IQCK: variants seen among roughly 807,000 people sequenced by gnomAD.
IQCK encodes the protein IQ domain-containing protein K.
Under a neutral mutation model 28.1 loss-of-function variants are expected in IQCK, and 29 were observed. The ratio of observed to expected loss-of-function variants is 1.03; its 90% confidence interval spans 0.77 to 1.41. The LOEUF is 1.41. Among genes scored for constraint, IQCK ranks in the 40% most tolerant of loss-of-function variants. IQCK has a pLI of 0.00. For synonymous variants in IQCK, 113 were observed against 115.1 expected, an observed-to-expected ratio of 0.98 and a Z score of 0.12; for missense variants, 359 against 314.7, an observed-to-expected ratio of 1.14 and a Z score of -1.07.
chr16:19,766,362 G>A (rs1424689039), intron 6 of IQCK, among the ~76,000 whole-genome samples: 1 of 152,232 alleles, frequency 6.6e-6, no homozygotes, highest in African/African-American at 2.4e-5. Context: ...AAGTGGGGAA[G>A]CATGAGACCA....
chr16:19,736,106 C>T (rs1358262078), intron 4 of IQCK: 2 of 455,742 alleles, frequency 4.4e-6, no homozygotes, highest in Non-Finnish European at 8.8e-6. Context: ...TCTTACTTGG[C>T]TCTAGATTGA....
At chr16:19,858,185 C>G (rs2056587332) in exon 10 of IQCK, 1 of 277,070 alleles carries the variant, frequency 3.6e-6, no homozygotes, top group Non-Finnish European at 6.7e-6. Context: ...CAGGTGTAGT[C>G]ATTAGAAAAA....
chr16:19,769,691 C>A (rs549414212), intron 6 of IQCK, among the ~76,000 whole-genome samples: 3 of 152,264 alleles, frequency 2.0e-5, no homozygotes, highest in African/African-American at 7.2e-5. Flanking sequence ...AGCAAGAGAT[C>A]ATTCAAAGGC....
intron 7 of IQCK, among the ~76,000 whole-genome samples, chr16:19,815,650 A>G (rs561118672): frequency 1.6e-4 from 24 of 152,206 alleles, no homozygotes; most frequent in Non-Finnish European, 3.4e-4. Context: ...CAGCCTGGGC[A>G]ACAGAGCAAG....
exon 3 of IQCK, chr16:19,733,797 G>A (rs1398035236): frequency 6.2e-7 from 1 of 1,614,124 alleles, no homozygotes; most frequent in Non-Finnish European, 8.5e-7. Flanking sequence ...CTGTCCTCAA[G>A]ATAAATCGGA....
rs115237652 is a variant in IQCK, at chr16:19,736,132, T to C, written c.474+682T>C. On this transcript the variant is annotated intron_variant, in intron 4 of 7. Transcript: ENST00000564186. ...TCTAGATTGATTGTTCCCCCTGGCA[T>C]CTCTCTACTCCATGCCAACTGTCAT... 3.4e-3 allele frequency: 1,563 copies of C among 455,972 alleles called. 17 individuals carry two copies. Among genetic ancestry groups the C allele is most frequent in the African/African-American group, 0.029 (1,446 of 50,152 alleles). 28.2% of individuals were successfully genotyped at this position (455,972 alleles called of 1,614,324 possible). A position where few individuals can be genotyped will look rare whatever the true frequency, so the allele number is the denominator to read the frequency against.
At chr16:19,773,403 T>G (rs886949874) in intron 6 of IQCK, among the ~76,000 whole-genome samples, 1 of 152,154 alleles carries the variant, frequency 6.6e-6, no homozygotes, top group African/African-American at 2.4e-5. Context: ...CCAAACCCAG[T>G]TTCCCCAGAA....
intron 7 of IQCK, among the ~76,000 whole-genome samples, chr16:19,811,103 GC>G (rs1391123102): frequency 6.6e-6 from 1 of 152,108 alleles, no homozygotes; most frequent in Admixed American, 6.5e-5. Flanking sequence ...GGGGAACATG[GC>G]AAAACCTGGT....
intron 4 of IQCK, among the ~76,000 whole-genome samples, chr16:19,748,256 A>G (rs1399224264): frequency 2.6e-5 from 4 of 151,686 alleles, no homozygotes; most frequent in Admixed American, 2.0e-4. Flanking sequence ...TATGTTTTCA[A>G]TAGAGACAGG....
chr16:19,820,115 C>T (rs576326188), intron 7 of IQCK, among the ~76,000 whole-genome samples: 2 of 152,184 alleles, frequency 1.3e-5, no homozygotes, highest in East Asian at 3.9e-4. Context: ...AGCTACACTA[C>T]CCAACTCTTA....
chr16:19,741,490 A>G (rs1442274362), intron 4 of IQCK, among the ~76,000 whole-genome samples: 1 of 152,202 alleles, frequency 6.6e-6, no homozygotes, highest in Non-Finnish European at 1.5e-5. Context: ...AAAGAACCAG[A>G]TAAATTTCTA....
At chr16:19,740,381 A>G (rs986230911) in intron 4 of IQCK, among the ~76,000 whole-genome samples, 1 of 152,124 alleles carries the variant, frequency 6.6e-6, no homozygotes, top group African/African-American at 2.4e-5. Context: ...AACAGGTGCA[A>G]GGTGTGGCTG....
intron 6 of IQCK, among the ~76,000 whole-genome samples, chr16:19,767,472 G>T (rs74013826): frequency 2.6e-5 from 4 of 151,966 alleles, no homozygotes; most frequent in Non-Finnish European, 5.9e-5. Flanking sequence ...GCTTTCCTCC[G>T]ACTAACTGCC....
At chr16:19,827,398 A>C (rs1344035645), downstream of IQCK, among the ~76,000 whole-genome samples, 1 of 152,196 alleles carries the variant, frequency 6.6e-6, no homozygotes, top group Non-Finnish European at 1.5e-5. Context: ...TGAAGCTACA[A>C]GACATCAAGA....
intron 6 of IQCK, among the ~76,000 whole-genome samples, chr16:19,774,398 CTTTTTTTTTTTTT>C (rs1167894201): frequency 2.6e-4 from 27 of 104,114 alleles, no homozygotes; most frequent in African/African-American, 9.6e-4. Context: ...TTAGCTAATA[CTTTTTTTTTTTTT>C]TTTTTTTTTT....
chr16:19,764,215 G>A (rs755231815), intron 6 of IQCK, 103 bp downstream of exon 6: 3 of 938,432 alleles, frequency 3.2e-6, no homozygotes, highest in Non-Finnish European at 4.9e-6. Context: ...ATCCATCCAG[G>A]ACTCTGGGCC....
intron 9 of IQCK, among the ~76,000 whole-genome samples, chr16:19,832,541 A>G (rs1445289318): frequency 6.6e-6 from 1 of 152,140 alleles, no homozygotes; most frequent in Admixed American, 6.6e-5. Context: ...AATTAAGATT[A>G]GGGAAAAAAA....
rs2079721898 is a variant in IQCK at position 19,857,071 on chromosome 16, C to T, written c.*523C>T. 4 of 175,692 alleles carry T rather than the reference C, an allele frequency of 2.3e-5. No individual in the cohort carries two copies. In the South Asian group the frequency reaches 5.5e-4, roughly 24 times the overall value. The allele number at this position is 175,692 out of a possible 1,614,324, so 10.9% of individuals were successfully genotyped here. A position where few individuals can be genotyped will look rare whatever the true frequency, so the allele number is the denominator to read the frequency against. ...ACTGCAAACCCAACAAGATGAGACA[C>T]TTAAACCCAGACAGATGTAACAAAG... On this transcript the variant is annotated 3_prime_UTR_variant, in exon 10 of 10. Coordinates refer to the IQCK transcript ENST00000320394.
intron 7 of IQCK, among the ~76,000 whole-genome samples, chr16:19,813,954 C>T (rs1266227250): frequency 6.6e-6 from 1 of 151,988 alleles, no homozygotes; most frequent in Admixed American, 6.6e-5. Flanking sequence ...TGTGGTGGCT[C>T]ATGCCTGTAA....
Sources: gnomAD v4.1 joint callset for allele counts (sites outside exome capture counted in the v4.1 genomes callset) on GRCh38, gnomAD v4.1.1 for gene constraint, MANE v1.5 for transcripts, NCBI Gene and HGNC (gene_info 2026-07-23, HGNC 2026-07-21) for gene names.